The following PIK3R6 variants were observed in gnomAD, a reference collection of about 807,000 sequenced individuals.
The protein encoded by PIK3R6 is phosphoinositide-3-kinase regulatory subunit 6.
PIK3R6 carries 91 observed loss-of-function variants against 84.9 expected under a neutral mutation model. The ratio of observed to expected loss-of-function variants is 1.07; its 90% CI spans 0.90 to 1.28. The LOEUF is 1.28. Ranked by LOEUF, PIK3R6 falls within the 50% of genes most tolerant of loss-of-function variation. The pLI, the probability that PIK3R6 is intolerant of heterozygous loss-of-function variation, is 0.00. For synonymous variants in PIK3R6, 416 were observed against 411.4 expected, an observed-to-expected ratio of 1.01 and a Z score of -0.13; for missense variants, 996 against 985.1, an observed-to-expected ratio of 1.01 and a Z score of -0.15.
At chr17:8,867,200 C>T (rs2089432185) in intron 1 of PIK3R6, among the ~76,000 whole-genome samples, 2 of 152,312 alleles carry the variant, frequency 1.3e-5, no homozygotes, top group South Asian at 2.1e-4. Context: ...AATGGGTGTA[C>T]TCTGCAGCAC....
intron 1 of PIK3R6, among the ~76,000 whole-genome samples, chr17:8,857,270 T>G (rs1270654131): frequency 6.6e-6 from 1 of 152,180 alleles, no homozygotes; most frequent in Non-Finnish European, 1.5e-5. Flanking sequence ...AGCCACTCAG[T>G]GGACAATGAA....
chr17:8,865,700 G>C (rs1379500694), intron 1 of PIK3R6, among the ~76,000 whole-genome samples: 7 of 152,010 alleles, frequency 4.6e-5, no homozygotes, highest in African/African-American at 1.7e-4. Context: ...TCCTGAGGGG[G>C]CCCCCTCAAC....
rs546422734 is a variant in PIK3R6, at chr17:8,814,785, T to C, written c.1995+4298A>G. 2.1e-5 allele frequency among the ~76,000 whole-genome samples: 3 copies of C among 145,434 alleles called. No homozygotes were observed. In the South Asian group the frequency reaches 6.7e-4, roughly 32 times the overall value. ...ATTGTATTAGAAAATATCTGAGAAT[T>C]GAAAGATGTGAGTCTCCAGATTGAG... is the stretch of plus-strand genomic sequence containing the variant. On this transcript the variant is annotated intron_variant, in intron 18 of 19. Transcript: ENST00000619866.
chr17:8,847,151 G>T (rs183627477), intron 2 of PIK3R6, among the ~76,000 whole-genome samples: 20 of 152,266 alleles, frequency 1.3e-4, no homozygotes, highest in Admixed American at 1.3e-3. Flanking sequence ...AGTTTGGCAG[G>T]ACAAATACTG....
Position 8,803,363 on chromosome 17 carries a change from A to G in PIK3R6, c.2175T>C (p.Asn725=), listed in dbSNP as rs2087098087. 1.4e-5 allele frequency: 22 copies of G among 1,613,660 alleles called. No individual in the cohort carries two copies. The highest frequency in any genetic ancestry group is 1.9e-5 in the Non-Finnish European group (22 of 1,179,800). Residue 725 remains asparagine (N), a synonymous_variant, in exon 20 of 20, where the codon AAT becomes AAC. Transcript: ENST00000619866. The surrounding 1 kb of genome is among the most constrained non-coding windows in gnomAD (Gnocchi z 5.0). ...GAQKSKAPWL[N]LHGQQEVEAI... ...CTTCCACCTCCTGTTGCCCATGCAA[A>G]TTGAGCCACGGTGCCTTGGACTTCT...
At chr17:8,860,930 G>GC (rs10667655) in intron 1 of PIK3R6, among the ~76,000 whole-genome samples, 17 of 152,166 alleles carry the variant, frequency 1.1e-4, no homozygotes, top group Admixed American at 9.8e-4. Flanking sequence ...GCCGGGCACG[G>GC]TCACGCCTGT....
rs578240540 is a variant in PIK3R6, at chr17:8,803,412, C to T, written c.2126G>A (p.Cys709Tyr). The T allele has an allele frequency of 1.2e-6, 2 of 1,607,986 alleles. No individual in the cohort carries two copies. The highest frequency in any genetic ancestry group is 2.2e-5 in the East Asian group (1 of 44,864). ...CTGGGCCCCAGAACATGGTTCTGGGCAGGGAGCAACCTCGAATCTGTGGGT... is the reference window on the plus strand; with the variant it reads ...CTGGGCCCCAGAACATGGTTCTGGGTAGGGAGCAACCTCGAATCTGTGGGT... Reference protein sequence around the residue: ...RDVVRFEVAPCPEPCSGAQKS... With the variant: ...RDVVRFEVAPYPEPCSGAQKS... The change falls in exon 20 of 20, where the codon TGC (cysteine) becomes TAC (tyrosine). Residue 709 changes from cysteine (C) to tyrosine (Y), a missense_variant. Cys to Tyr is a radical substitution (Grantham distance 194). Transcript: ENST00000619866. The surrounding 1 kb of genome is among the most constrained non-coding windows in gnomAD (Gnocchi z 5.0).
At position 8,802,725 on chromosome 17, in the gene PIK3R6, G is replaced by C. The variant is rs1286265091; in HGVS notation, c.*548C>G. The C allele has an allele frequency of 6.3e-6, 1 of 157,922 alleles. No individual in the cohort carries two copies. Among genetic ancestry groups the C allele is most frequent in the African/African-American group, 2.4e-5 (1 of 41,478 alleles). The allele number at this position is 157,922 out of a possible 1,614,324, so 9.8% of individuals were successfully genotyped here. Reference sequence around the variant, plus strand: ...AACATATAAATATTGCCAGGTATGAGATGAAAGCAGAAAGACTTCAGTGTA... The same window carrying C: ...AACATATAAATATTGCCAGGTATGACATGAAAGCAGAAAGACTTCAGTGTA... On this transcript the variant is annotated 3_prime_UTR_variant, in exon 20 of 20. Coordinates refer to ENST00000619866, the MANE Select transcript of PIK3R6 (RefSeq NM_001010855.4).
In PIK3R6 at chr17:8,835,475, G is replaced by A; in HGVS notation, c.462-19C>T. 1 of 1,526,692 alleles carries A rather than the reference G, an allele frequency of 6.6e-7. No homozygotes were observed. The highest frequency in any genetic ancestry group is 2.3e-5 in the East Asian group (1 of 43,488). 94.6% of individuals were successfully genotyped at this position (1,526,692 alleles called of 1,614,324 possible). On this transcript the variant is annotated intron_variant, in intron 7 of 19. Transcript: ENST00000619866. ...GAACACTCTGAGGGCAGAAGCAGAGGGGAGAGGTGGGATTGATAGTAACTA... is the reference window on the plus strand; with the variant it reads ...GAACACTCTGAGGGCAGAAGCAGAGAGGAGAGGTGGGATTGATAGTAACTA...
intron 8 of PIK3R6, among the ~76,000 whole-genome samples, chr17:8,834,530 C>T (rs984323583): frequency 6.6e-6 from 1 of 151,390 alleles, no homozygotes; most frequent in Non-Finnish European, 1.5e-5. Context: ...GGACTGCAAA[C>T]ACATGTCACT....
chr17:8,817,439 C>T (rs2016183), intron 18 of PIK3R6, among the ~76,000 whole-genome samples: 2,452 of 152,166 alleles, frequency 0.016, 39 homozygotes, highest in African/African-American at 0.041. Flanking sequence ...GTCAGGAGTT[C>T]GAGACCATCC....
At chr17:8,867,277 C>T (rs1023239268) in intron 1 of PIK3R6, among the ~76,000 whole-genome samples, 1 of 152,214 alleles carries the variant, frequency 6.6e-6, no homozygotes, top group Non-Finnish European at 1.5e-5. Flanking sequence ...GAGAGTCCTT[C>T]TCACAGGGTC....
chr17:8,839,364 A>T lies in PIK3R6; in HGVS notation c.97+250T>A, dbSNP rs996552519. Among the ~76,000 whole-genome samples, 4 of 152,048 alleles carry T rather than the reference A, an allele frequency of 2.6e-5. No homozygotes were observed. The highest frequency in any genetic ancestry group is 6.5e-5 in the Admixed American group (1 of 15,272). On this transcript the variant is annotated intron_variant, in intron 3 of 19. Coordinates refer to ENST00000619866, the MANE Select transcript of PIK3R6 (RefSeq NM_001010855.4). This position sits in a 1 kb window ranked among gnomAD's most constrained non-coding sequence, Gnocchi z 4.2. The stretch of plus-strand genomic sequence containing the variant: ...CTCCATCTCAAAAACAAAAGAAAAA[A>T]AAAAGGAAAGAAAAAGGGTGGCAGA...
In PIK3R6 at chr17:8,829,833, A is replaced by G. The variant is rs776694403; in HGVS notation, c.803-41T>C. 18 of 1,499,536 alleles carry G rather than the reference A, an allele frequency of 1.2e-5. 1 individual carries two copies. In the South Asian group the frequency reaches 2.2e-4, roughly 18 times the overall value. 92.9% of individuals were successfully genotyped at this position (1,499,536 alleles called of 1,614,324 possible). On this transcript the variant is annotated intron_variant, in intron 9 of 19. Coordinates refer to ENST00000619866, the MANE Select transcript of PIK3R6 (RefSeq NM_001010855.4). ...GGCTGTGGAGGCCATGGAGGAGGCC[A>G]TGGGACCCTCCTCTGCCCTCCCCAT...
chr17:8,818,740 C>G (rs2087622531), intron 18 of PIK3R6, among the ~76,000 whole-genome samples: 1 of 152,130 alleles, frequency 6.6e-6, no homozygotes, highest in Admixed American at 6.5e-5. Flanking sequence ...ACAGATTGGG[C>G]TGTTGTTGTT....
chr17:8,835,509 G>A, intron 7 of PIK3R6, 53 bp from the exon 8 acceptor site: 1 of 1,453,010 alleles, frequency 6.9e-7, no homozygotes, highest in African/African-American at 1.4e-5. Context: ...TAATGGGAGA[G>A]GGGCCACCGG....
chr17:8,826,143 G>A (rs899274081), intron 13 of PIK3R6, among the ~76,000 whole-genome samples: 7 of 152,150 alleles, frequency 4.6e-5, no homozygotes, highest in South Asian at 4.2e-4. Context: ...TCTGTAAAAC[G>A]GGGCTATGGT....
At chr17:8,848,398 C>T (rs774054736) in intron 2 of PIK3R6, among the ~76,000 whole-genome samples, 15 of 152,118 alleles carry the variant, frequency 9.9e-5, no homozygotes, top group Admixed American at 7.9e-4. Flanking sequence ...CGATATGTTC[C>T]GAGAAATATG....
rs1330406530 is a variant in PIK3R6 at position 8,844,100 on chromosome 17, G to A, written c.14-4403C>T. ...ACAAAGCTTACCAGTGGCGGCAAAG[G>A]TCAGATGAAGGCCGCTAAGCACTGA... On this transcript the variant is annotated intron_variant, in intron 2 of 19. Transcript: ENST00000619866. This position sits in a 1 kb window ranked among gnomAD's most constrained non-coding sequence, Gnocchi z 4.5. Among the ~76,000 whole-genome samples, 1 of 152,180 alleles carries A rather than the reference G, an allele frequency of 6.6e-6. No homozygotes were observed. Among genetic ancestry groups the A allele is most frequent in the Non-Finnish European group, 1.5e-5 (1 of 68,038 alleles).
Sources: gnomAD v4.1 joint callset for allele counts (sites outside exome capture counted in the v4.1 genomes callset) on GRCh38, gnomAD v4.1.1 for gene constraint, Gnocchi (gnomAD v3.1) non-coding constraint, MANE v1.5 for transcripts, NCBI Gene and HGNC (gene_info 2026-07-23, HGNC 2026-07-21) for gene names.